The following ACSL6 variants were observed in gnomAD, a reference collection of about 807,000 sequenced individuals.
The protein encoded by ACSL6 is long-chain-fatty-acid--CoA ligase 6.
A neutral mutation model predicts 98.2 loss-of-function variants in ACSL6; 47 were observed. That is an observed-to-expected ratio of 0.48 (90% CI 0.38 to 0.61). The LOEUF (loss-of-function observed/expected upper bound fraction) is 0.61, where lower values mean the gene tolerates loss of function less well. Ranked by LOEUF, ACSL6 falls within the 20% of genes least tolerant of loss-of-function variation. The pLI is 0.00. For synonymous variants in ACSL6, 362 were observed against 336.9 expected (o/e 1.07, Z -0.82); for missense variants, 761 against 913.4 (o/e 0.83, Z 2.15).
Position 131,989,320 on chromosome 5 carries a change from C to T in ACSL6, c.552+87G>A, listed in dbSNP as rs2126895048. 31 of 1,270,242 alleles carry T rather than the reference C, an allele frequency of 2.4e-5. No individual in the cohort carries two copies. In the South Asian group the frequency reaches 3.0e-4, roughly 12 times the overall value. 78.7% of individuals were successfully genotyped at this position (1,270,242 alleles called of 1,614,324 possible). A position where few individuals can be genotyped will look rare whatever the true frequency, so the allele number is the denominator to read the frequency against. On this transcript the variant is annotated intron_variant, in intron 5 of 20. Transcript: ENST00000651883. Reference sequence around the variant, plus strand: ...CTCTGTTTTTTCTTTTGTCCTGGGCCCTACAAACAGTGAAAGCAGGACTAT... The same window carrying T: ...CTCTGTTTTTTCTTTTGTCCTGGGCTCTACAAACAGTGAAAGCAGGACTAT...
chr5:132,008,676 T>A (rs1453325483), intron 1 of ACSL6, among the ~76,000 whole-genome samples: 1 of 152,186 alleles, frequency 6.6e-6, no homozygotes, highest in Non-Finnish European at 1.5e-5. Flanking sequence ...TGAAGACTCA[T>A]CCCCCATTGC....
chr5:131,962,295 G>T (rs1469635691), intron 18 of ACSL6, among the ~76,000 whole-genome samples: 3 of 152,164 alleles, frequency 2.0e-5, no homozygotes, highest in Non-Finnish European at 2.9e-5. Flanking sequence ...AAAATCCTTG[G>T]AAGTAAGTAG....
At chr5:131,977,989 G>A (rs949764735) in intron 9 of ACSL6, among the ~76,000 whole-genome samples, 2 of 152,186 alleles carry the variant, frequency 1.3e-5, no homozygotes, top group Non-Finnish European at 2.9e-5. Flanking sequence ...CCTAACACCC[G>A]AGCTAACTCA....
At chr5:131,963,456 A>G (rs1190292531) in intron 17 of ACSL6, among the ~76,000 whole-genome samples, 1 of 152,120 alleles carries the variant, frequency 6.6e-6, no homozygotes, top group African/African-American at 2.4e-5. Flanking sequence ...CCAGCTCTTC[A>G]CTGAGCTCCA....
intron 14 of ACSL6, among the ~76,000 whole-genome samples, chr5:131,971,329 T>A (rs1753295844): frequency 6.6e-6 from 1 of 152,202 alleles, no homozygotes; most frequent in Non-Finnish European, 1.5e-5. Flanking sequence ...AAGGTCCAGA[T>A]AAAAGAATTT....
intron 18 of ACSL6, 53 bp from the exon 19 acceptor site, chr5:131,960,674 T>G: frequency 7.1e-7 from 1 of 1,407,740 alleles, no homozygotes; most frequent in Non-Finnish European, 9.8e-7. Context: ...TTTAAAGTGG[T>G]TATTTGTGGT....
Position 131,962,564 on chromosome 5 carries a change from G to C in ACSL6, c.1828C>G (p.Gln610Glu). ...AAGCTGTCCCCATGGACATAGATTTGCGCCACAGGTTGGCTCCGGATGTAG... is the reference window on the plus strand; with the variant it reads ...AAGCTGTCCCCATGGACATAGATTTCCGCCACAGGTTGGCTCCGGATGTAG... ...NIYIRSQPVA[Q>E]IYVHGDSLKA... Residue 610 changes from glutamine to glutamate, a missense_variant, in exon 18 of 21, where the codon CAA becomes GAA. Coordinates refer to ENST00000651883, the MANE Select transcript of ACSL6 (RefSeq NM_001009185.3). 2 of 1,614,060 alleles carry C rather than the reference G, an allele frequency of 1.2e-6. No homozygotes were observed. The highest frequency in any genetic ancestry group is 1.7e-6 in the Non-Finnish European group (2 of 1,179,970).
intron 1 of ACSL6, among the ~76,000 whole-genome samples, chr5:131,998,206 TGGACAGCACTCAAG>T (rs1754890288): frequency 6.6e-6 from 1 of 152,088 alleles, no homozygotes; most frequent in African/African-American, 2.4e-5. Context: ...AAGAGGAGTG[TGGACAGCACTCAAG>T]GGAATCAGTG....
At chr5:131,957,494 T>G (rs1034730937) in intron 20 of ACSL6, among the ~76,000 whole-genome samples, 1 of 152,386 alleles carries the variant, frequency 6.6e-6, no homozygotes, top group East Asian at 1.9e-4. Context: ...ATGGTTGGCC[T>G]AGTTCTAGGA....
In ACSL6 at chr5:131,951,659, C is replaced by G. The variant is rs886552268; in HGVS notation, c.*2575G>C. The G allele has an allele frequency of 3.9e-4, 67 of 173,298 alleles. No individual in the cohort carries two copies. Among genetic ancestry groups the G allele is most frequent in the African/African-American group, 1.5e-3 (63 of 42,078 alleles). The allele number at this position is 173,298 out of a possible 1,614,324, so 10.7% of individuals were successfully genotyped here. ...GGAGTACAGTGGCGGGATCTCGGCT[C>G]ACTGCAAGCTCCGCCTCCCAGGTTC... On this transcript the variant is annotated 3_prime_UTR_variant, in exon 21 of 21. Transcript: ENST00000651883.
At chr5:131,977,360 G>A (rs2126844125) in intron 9 of ACSL6, among the ~76,000 whole-genome samples, 1 of 152,266 alleles carries the variant, frequency 6.6e-6, no homozygotes, top group South Asian at 2.1e-4. Flanking sequence ...TGACTCAGAG[G>A]GTAGAGATGG....
intron 9 of ACSL6, chr5:131,984,564 G>A (rs1403515501): frequency 1.3e-5 from 2 of 152,330 alleles, no homozygotes; most frequent in Non-Finnish European, 2.9e-5. Context: ...TGTCCCTTTG[G>A]AGCAAGCAGG....
intron 14 of ACSL6, among the ~76,000 whole-genome samples, chr5:131,970,483 C>A (rs867304855): frequency 6.6e-6 from 1 of 151,610 alleles, no homozygotes; most frequent in African/African-American, 2.4e-5. Context: ...GATCTCCACT[C>A]ACTGCAAGCT....
chr5:131,979,849 C>A (rs972236398), intron 9 of ACSL6, among the ~76,000 whole-genome samples: 4 of 152,328 alleles, frequency 2.6e-5, no homozygotes, highest in African/African-American at 4.8e-5. Flanking sequence ...GTCTATTTCC[C>A]ATCATCCACT....
rs532917263 is a variant in ACSL6 at position 131,971,566 on chromosome 5, G to A, written c.1418C>T (p.Ala473Val). The A allele has an allele frequency of 1.2e-6, 2 of 1,610,476 alleles. No homozygotes were observed. Among genetic ancestry groups the A allele is most frequent in the Admixed American group, 3.3e-5 (2 of 59,780 alleles). Residue 473 changes from alanine to valine, a missense_variant, in exon 14 of 21, where the codon GCA becomes GTA. By Grantham distance (64) the Ala-to-Val change is moderately conservative. Transcript: ENST00000651883. ...ASPTVLGFLRAALGCQVYEGY... is the reference protein window; with the variant it reads ...ASPTVLGFLRVALGCQVYEGY... Reference sequence around the variant, plus strand: ...TGACAATACCTGGCACCCTAGAGCTGCCCGGAGAAATCCCAGAACTGTTGG... The same window carrying A: ...TGACAATACCTGGCACCCTAGAGCTACCCGGAGAAATCCCAGAACTGTTGG...
intron 10 of ACSL6, chr5:131,975,963 A>G: frequency 1.0e-6 from 1 of 985,470 alleles, no homozygotes; most frequent in Non-Finnish European, 1.2e-6. Flanking sequence ...TGTTTGGGGC[A>G]CACACTTCAT....
Position 131,994,177 on chromosome 5 carries a change from C to G in ACSL6, c.124G>C (p.Asp42His). 1 of 1,614,218 alleles carries G rather than the reference C, an allele frequency of 6.2e-7. No homozygotes were observed. The highest frequency in any genetic ancestry group is 8.5e-7 in the Non-Finnish European group (1 of 1,180,046). The change falls in exon 2 of 21, where the codon GAC (aspartate) becomes CAC (histidine). Residue 42 changes from aspartate to histidine, a missense_variant. Coordinates refer to ENST00000651883, the MANE Select transcript of ACSL6 (RefSeq NM_001009185.3). Reference protein sequence around the residue: ...LRILRLPELGDLGQFFRSLSA... With the variant: ...LRILRLPELGHLGQFFRSLSA... ...AGGCTGCGGAAAAACTGTCCCAAGT[C>G]ACCTAGCTCAGGCAGTCGCAGTATC...
intron 1 of ACSL6, chr5:132,006,946 G>A (rs1360843014): frequency 1.3e-5 from 2 of 152,124 alleles, no homozygotes; most frequent in African/African-American, 4.8e-5. Context: ...ATCCTAGCAG[G>A]AGCACACTCA....
chr5:131,994,246 C>G lies in ACSL6; in HGVS notation c.55G>C (p.Val19Leu). The G allele has an allele frequency of 6.2e-7, 1 of 1,608,494 alleles. No homozygotes were observed. The highest frequency in any genetic ancestry group is 8.5e-7 in the Non-Finnish European group (1 of 1,177,206). Residue 19 changes from valine to leucine, a missense_variant, in exon 2 of 21, where the codon GTC becomes CTC. Coordinates refer to ENST00000651883, the MANE Select transcript of ACSL6 (RefSeq NM_001009185.3). ...GGSLWLFVEF[V>L]LSLLEKMQTQ... ...TGCATCTTCTCCAGAAGTGAGAGGA[C>G]AAACTCTGTTGAAAACAAGAGTCAG...
Sources: allele counts gnomAD v4.1 joint callset (sites outside exome capture counted in the v4.1 genomes callset), GRCh38; gene constraint gnomAD v4.1.1; transcripts MANE v1.5; gene names NCBI Gene and HGNC (gene_info 2026-07-23, HGNC 2026-07-21).